The following GRIA2 variants were observed in gnomAD, a reference collection of about 807,000 sequenced individuals.
The protein encoded by GRIA2 is glutamate receptor 2.
In GRIA2, 14 loss-of-function variants were observed where a neutral mutation model predicts 97.3. The ratio of observed to expected loss-of-function variants is 0.14; its 90% CI spans 0.10 to 0.23. GRIA2 has a LOEUF of 0.23. Among genes scored for constraint, GRIA2 ranks in the 10% least tolerant of loss-of-function variants. The pLI, the probability that GRIA2 is intolerant of heterozygous loss-of-function variation, is 1.00. For missense variants in GRIA2, 558 were observed against 1,069.8 expected (o/e 0.52, Z 6.67); for synonymous variants, 412 against 387.8 (o/e 1.06, Z -0.73).
intron 2 of GRIA2, among the ~76,000 whole-genome samples, chr4:157,292,615 C>T (rs1230504128): frequency 1.3e-5 from 2 of 151,590 alleles, no homozygotes; most frequent in Non-Finnish European, 2.9e-5. Flanking sequence ...GATTAAAGTA[C>T]GTTAGAAATC....
chr4:157,351,474 G>A (rs546546696), intron 12 of GRIA2, among the ~76,000 whole-genome samples: 38 of 152,146 alleles, frequency 2.5e-4, no homozygotes, highest in East Asian at 1.4e-3. Context: ...TTTACCATTC[G>A]TAAGGTAATG....
At chr4:157,297,392 A>G (rs1398576292) in intron 2 of GRIA2, among the ~76,000 whole-genome samples, 1 of 152,164 alleles carries the variant, frequency 6.6e-6, no homozygotes, top group African/African-American at 2.4e-5. Context: ...ATTAATAAAT[A>G]GTTAATATCA....
In GRIA2 at chr4:157,331,537, TAATC is replaced by T. The variant is rs538068655; in HGVS notation, c.883-1278_883-1275del. On this transcript the variant is annotated intron_variant, in intron 6 of 15. Transcript: ENST00000264426. The stretch of plus-strand genomic sequence containing the variant: ...AACTTATCACTGTATAAAAACAAAT[TAATC>T]AATTTTTTTCCTTTAGAGTAGAAAC... Among the ~76,000 whole-genome samples, 13 of 152,126 alleles carry T rather than the reference TAATC, an allele frequency of 8.5e-5. No individual in the cohort carries two copies. The South Asian group carries it at 2.5e-3, about 29-fold the overall frequency.
intron 6 of GRIA2, among the ~76,000 whole-genome samples, chr4:157,322,242 A>AGTGTGTGTGTGTGTGT (rs35080512): frequency 7.3e-6 from 1 of 137,158 alleles, no homozygotes; most frequent in Non-Finnish European, 1.6e-5. Context: ...AGAGAGAGAG[A>AGTGTGTGTGTGTGTGT]GTGTGTGTGT....
At chr4:157,306,169 C>T (rs908194947) in intron 3 of GRIA2, among the ~76,000 whole-genome samples, 2 of 152,032 alleles carry the variant, frequency 1.3e-5, no homozygotes, top group African/African-American at 4.8e-5. Flanking sequence ...TTTAAGAATA[C>T]ACTTCGCCTT....
At chr4:157,317,993 A>C (rs1274114100) in intron 5 of GRIA2, among the ~76,000 whole-genome samples, 2 of 152,044 alleles carry the variant, frequency 1.3e-5, no homozygotes, top group Non-Finnish European at 2.9e-5. Context: ...AATAATAATA[A>C]ATATAGCTTG....
At chr4:157,278,703 T>C (rs920830248) in intron 2 of GRIA2, among the ~76,000 whole-genome samples, 3 of 151,952 alleles carry the variant, frequency 2.0e-5, no homozygotes, top group African/African-American at 7.2e-5. Context: ...GAGAAAATAT[T>C]TTTATAAAAG....
At chr4:157,342,049 C>G in intron 12 of GRIA2, 4 of 786,988 alleles carry the variant, frequency 5.1e-6, no homozygotes, top group Non-Finnish European at 6.2e-6. Flanking sequence ...TGTTCTTATG[C>G]TCTGTTTATA....
At chr4:157,290,335 T>G (rs978660470) in intron 2 of GRIA2, among the ~76,000 whole-genome samples, 2 of 151,862 alleles carry the variant, frequency 1.3e-5, no homozygotes, top group Non-Finnish European at 2.9e-5. Flanking sequence ...TTTGGTCCAA[T>G]GCTGTTTAAT....
intron 2 of GRIA2, among the ~76,000 whole-genome samples, chr4:157,275,390 A>C (rs1732247130): frequency 1.3e-5 from 2 of 152,100 alleles, no homozygotes; most frequent in African/African-American, 4.8e-5. Context: ...CCATTTGTCA[A>C]TTTTGGCTTT....
intron 2 of GRIA2, among the ~76,000 whole-genome samples, chr4:157,293,506 T>C (rs566557078): frequency 6.6e-6 from 1 of 152,236 alleles, no homozygotes; most frequent in East Asian, 1.9e-4. Flanking sequence ...CAAATTCGAC[T>C]CTTACTAGAA....
At chr4:157,313,766 T>G (rs1052859036) in intron 4 of GRIA2, among the ~76,000 whole-genome samples, 1 of 151,914 alleles carries the variant, frequency 6.6e-6, no homozygotes, top group Non-Finnish European at 1.5e-5. Context: ...TACATATGCA[T>G]ATATGTACAT....
intron 8 of GRIA2, 65 bp from the exon 9 acceptor site, chr4:157,333,945 A>G: frequency 3.8e-6 from 3 of 783,636 alleles, no homozygotes; most frequent in Non-Finnish European, 6.9e-6. Context: ...CTTTGAAAAT[A>G]ATTAAATGCT....
At chr4:157,237,206 T>G (rs1218816335) in intron 2 of GRIA2, among the ~76,000 whole-genome samples, 2 of 152,044 alleles carry the variant, frequency 1.3e-5, no homozygotes, top group Non-Finnish European at 2.9e-5. Flanking sequence ...CAGAATCCCG[T>G]TTTATTTTTC....
intron 2 of GRIA2, among the ~76,000 whole-genome samples, chr4:157,225,206 C>T (rs1279196653): frequency 6.6e-6 from 1 of 152,042 alleles, no homozygotes; most frequent in Non-Finnish European, 1.5e-5. Context: ...TCTTACTGAG[C>T]TCCCACATCC....
intron 14 of GRIA2, chr4:157,362,521 A>C: frequency 3.6e-6 from 2 of 555,008 alleles, no homozygotes; most frequent in South Asian, 3.1e-5. Flanking sequence ...TTATCACTGC[A>C]ACTGACATAG....
intron 2 of GRIA2, among the ~76,000 whole-genome samples, chr4:157,258,981 C>T (rs868618671): frequency 6.6e-6 from 1 of 151,972 alleles, no homozygotes; most frequent in African/African-American, 2.4e-5. Context: ...CTTTGGGAGG[C>T]CAAGACAGGA....
intron 2 of GRIA2, among the ~76,000 whole-genome samples, chr4:157,247,264 G>A (rs987349835): frequency 1.3e-5 from 2 of 152,144 alleles, no homozygotes; most frequent in South Asian, 2.1e-4. Flanking sequence ...AGAACAAAAA[G>A]ACAAATTCAC....
intron 12 of GRIA2, 35 bp from the exon 13 acceptor site, chr4:157,359,861 T>C (rs769810937): frequency 2.3e-5 from 36 of 1,596,642 alleles, no homozygotes; most frequent in Non-Finnish European, 2.9e-5. Context: ...TAGGGCCATC[T>C]CTTAATGCTA....
Sources: allele counts gnomAD v4.1 joint callset (sites outside exome capture counted in the v4.1 genomes callset), GRCh38; gene constraint gnomAD v4.1.1; transcripts MANE v1.5; gene names NCBI Gene and HGNC (gene_info 2026-07-23, HGNC 2026-07-21).